Variants in CUX2 observed in about 807,000 individuals in gnomAD.
CUX2 encodes cut like homeobox 2.
A neutral mutation model predicts 144.8 loss-of-function variants in CUX2; 40 were observed. The observed-to-expected ratio is 0.28, with a 90% confidence interval of 0.21 to 0.36. The LOEUF (loss-of-function observed/expected upper bound fraction) is 0.36. CUX2 is among the 10% of genes least tolerant of loss of function. The pLI, the probability that CUX2 is intolerant of heterozygous loss-of-function variation, is 1.00. For missense variants in CUX2, 1,615 were observed against 1,994.0 expected (o/e 0.81, Z 3.62); for synonymous variants, 827 against 875.6 (o/e 0.94, Z 0.98).
At chr12:111,101,693 C>T (rs1873251770) in intron 1 of CUX2, among the ~76,000 whole-genome samples, 1 of 152,192 alleles carries the variant, frequency 6.6e-6, no homozygotes, top group African/African-American at 2.4e-5. Context: ...CTGAGCTTCT[C>T]TGAGCCTTAG....
At chr12:111,198,718 C>A (rs563162179) in intron 1 of CUX2, among the ~76,000 whole-genome samples, 2 of 152,304 alleles carry the variant, frequency 1.3e-5, no homozygotes, top group South Asian at 4.1e-4. Flanking sequence ...CAGCGAGGGC[C>A]CTGCTGAGAA....
At chr12:111,140,197 C>G (rs991120197) in intron 1 of CUX2, among the ~76,000 whole-genome samples, 3 of 152,152 alleles carry the variant, frequency 2.0e-5, no homozygotes, top group African/African-American at 7.2e-5. Context: ...TAGCAAAAGA[C>G]TTGGGGTGAG....
In CUX2 at chr12:111,162,905, G is replaced by T. The variant is rs375987237; in HGVS notation, c.64-51295G>T. On this transcript the variant is annotated intron_variant, in intron 1 of 21. Transcript: ENST00000261726. ...TAATAAAAATACAAAACCTAGCCAG[G>T]CATGATGGCAGGTGCCTGTAATCCC... Among the ~76,000 whole-genome samples, 11 of 152,234 alleles carry T rather than the reference G, an allele frequency of 7.2e-5. No homozygotes were observed. In the South Asian group the frequency reaches 2.3e-3, roughly 32 times the overall value.
chr12:111,133,857 C>A (rs1875669721), intron 1 of CUX2, among the ~76,000 whole-genome samples: 1 of 152,134 alleles, frequency 6.6e-6, no homozygotes, highest in African/African-American at 2.4e-5. Flanking sequence ...GGGGAGACTT[C>A]TTCCACTGGC....
chr12:111,248,062 A>ATTTTTTTTCCATAT (rs1346564556), intron 3 of CUX2, among the ~76,000 whole-genome samples: 3 of 151,904 alleles, frequency 2.0e-5, no homozygotes, highest in African/African-American at 7.2e-5. Context: ...CGCCTGGCTA[A>ATTTTTTTTCCATAT]TTTTTTTTCC....
At position 111,252,100 on chromosome 12, in the gene CUX2, C is replaced by T. The variant is rs563350379; in HGVS notation, c.223-11661C>T. 5.9e-5 allele frequency among the ~76,000 whole-genome samples: 9 copies of T among 152,230 alleles called. No individual in the cohort carries two copies. The East Asian group carries it at 9.7e-4, about 16-fold the overall frequency. On this transcript the variant is annotated intron_variant, in intron 3 of 21. Transcript: ENST00000261726. ...ACTTGTGAGGCTGAGGCAGGAAGATCGCTTGAGCCCAGGAGTTTGAGGCCA... is the reference window on the plus strand; with the variant it reads ...ACTTGTGAGGCTGAGGCAGGAAGATTGCTTGAGCCCAGGAGTTTGAGGCCA...
chr12:111,275,825 C>T (rs111657284), intron 4 of CUX2, among the ~76,000 whole-genome samples: 2 of 152,174 alleles, frequency 1.3e-5, no homozygotes, highest in African/African-American at 2.4e-5. Flanking sequence ...AACACCTCCA[C>T]GCCACCAGCT....
rs1869636461 is a variant in CUX2 at position 111,039,545 on chromosome 12, T to G, written c.63+5305T>G. 6.6e-6 allele frequency among the ~76,000 whole-genome samples: 1 copy of G among 152,148 alleles called. No homozygotes were observed. The highest frequency in any genetic ancestry group is 2.1e-4 in the South Asian group (1 of 4,828). ...TTGTGGGTCACTTAAATGCATTGTCTTCTTCTTTTTTGTTTTTTCAAGATG... is the reference window on the plus strand; with the variant it reads ...TTGTGGGTCACTTAAATGCATTGTCGTCTTCTTTTTTGTTTTTTCAAGATG... On this transcript the variant is annotated intron_variant, in intron 1 of 21. Coordinates refer to ENST00000261726, the MANE Select transcript of CUX2 (RefSeq NM_015267.4). This position sits in a 1 kb window ranked among gnomAD's most constrained non-coding sequence, Gnocchi z 4.2.
chr12:111,330,619 A>T (rs1888041881), intron 18 of CUX2, among the ~76,000 whole-genome samples: 1 of 147,190 alleles, frequency 6.8e-6, no homozygotes, highest in Non-Finnish European at 1.5e-5. Context: ...GGATGACTTG[A>T]GCCCAGGAGT....
At chr12:111,275,028 G>T (rs1884800442) in intron 4 of CUX2, among the ~76,000 whole-genome samples, 1 of 151,900 alleles carries the variant, frequency 6.6e-6, no homozygotes, top group Non-Finnish European at 1.5e-5. Flanking sequence ...AGGCGAAGTT[G>T]TACCCACCTC....
intron 3 of CUX2, among the ~76,000 whole-genome samples, chr12:111,241,940 G>C (rs1352158092): frequency 6.6e-6 from 1 of 152,226 alleles, no homozygotes; most frequent in African/African-American, 2.4e-5. Flanking sequence ...TGTACAAGAT[G>C]GGCTGATAGT....
intron 1 of CUX2, among the ~76,000 whole-genome samples, chr12:111,043,892 C>G (rs886703023): frequency 1.3e-5 from 2 of 152,188 alleles, no homozygotes; most frequent in Non-Finnish European, 1.5e-5. Context: ...GAGAATGCAT[C>G]TTGCCCATCT....
chr12:111,245,917 A>G (rs573204875), intron 3 of CUX2, among the ~76,000 whole-genome samples: 1 of 152,258 alleles, frequency 6.6e-6, no homozygotes, highest in Admixed American at 6.5e-5. Flanking sequence ...GCAGGCACAG[A>G]TGAGACAACA....
chr12:111,124,502 C>A (rs907042998), intron 1 of CUX2, among the ~76,000 whole-genome samples: 1 of 152,154 alleles, frequency 6.6e-6, no homozygotes, highest in Non-Finnish European at 1.5e-5. Flanking sequence ...CTCCTATGAC[C>A]TACAGTCAAA....
intron 3 of CUX2, among the ~76,000 whole-genome samples, chr12:111,230,499 G>A (rs1365920708): frequency 6.6e-6 from 1 of 152,128 alleles, no homozygotes; most frequent in African/African-American, 2.4e-5. Flanking sequence ...GGTGATTATG[G>A]GCACATGAAA....
chr12:111,034,606 TGCGCGCCTCCCAACTTCGCG>T lies in CUX2; in HGVS notation c.63+371_63+390del, dbSNP rs1385957645. 6.6e-6 allele frequency among the ~76,000 whole-genome samples: 1 copy of T among 151,114 alleles called. No individual in the cohort carries two copies. Among genetic ancestry groups the T allele is most frequent in the Non-Finnish European group, 1.5e-5 (1 of 67,712 alleles). On this transcript the variant is annotated intron_variant, in intron 1 of 21. Transcript: ENST00000261726. The surrounding 1 kb of genome is among the most constrained non-coding windows in gnomAD (Gnocchi z 4.2). ...CGGCGGTCCCCCCTGAGCCGCACTT[TGCGCGCCTCCCAACTTCGCG>T]GCGCCCGGGGAGGCCGCGGAGCGCG...
chr12:111,276,308 G>A (rs1234975579), intron 4 of CUX2, among the ~76,000 whole-genome samples: 1 of 152,202 alleles, frequency 6.6e-6, no homozygotes, highest in African/African-American at 2.4e-5. Context: ...GAGCTGCCAG[G>A]ATTGCACCAC....
chr12:111,246,079 G>C lies in CUX2; in HGVS notation c.223-17682G>C, dbSNP rs1000212837. On this transcript the variant is annotated intron_variant, in intron 3 of 21. Transcript: ENST00000261726. This position sits in a 1 kb window ranked among gnomAD's most constrained non-coding sequence, Gnocchi z 4.0. ...TCAGGGCCAAGCTGCTCTGTCTCCC[G>C]ATCCCTACTCTGCCAGCTTTCCTAG... Among the ~76,000 whole-genome samples the C allele has an allele frequency of 6.6e-6, 1 of 152,116 alleles. No individual in the cohort carries two copies. Among genetic ancestry groups the C allele is most frequent in the Non-Finnish European group, 1.5e-5 (1 of 68,020 alleles).
In CUX2 at chr12:111,334,480, C is replaced by T. The variant is rs997019959; in HGVS notation, c.2966C>T (p.Pro989Leu). 11 of 1,611,458 alleles carry T rather than the reference C, an allele frequency of 6.8e-6. No individual in the cohort carries two copies. The East Asian group carries it at 2.0e-4, about 29-fold the overall frequency. ...CCAAGGTCCTCACCATCCCCACCCC[C>T]CAGCCCCACAGAGCCTGAGAAGAGC... is the stretch of plus-strand genomic sequence containing the variant. ...TEPRSSPSPPPSPTEPEKSSQ... is the reference protein window; with the variant it reads ...TEPRSSPSPPLSPTEPEKSSQ... Residue 989 changes from proline to leucine, a missense_variant, in exon 19 of 22, where the codon CCC (proline) becomes CTC (leucine). By Grantham distance (98) the Pro-to-Leu change is moderately conservative. Transcript: ENST00000261726.
Sources: gnomAD v4.1 joint callset for allele counts (sites outside exome capture counted in the v4.1 genomes callset) on GRCh38, gnomAD v4.1.1 for gene constraint, Gnocchi (gnomAD v3.1) non-coding constraint, MANE v1.5 for transcripts, NCBI Gene and HGNC (gene_info 2026-07-23, HGNC 2026-07-21) for gene names.